The following SLC9A9 variants were observed in gnomAD, a reference collection of about 807,000 sequenced individuals.
SLC9A9 encodes the protein sodium/hydrogen exchanger 9.
A neutral mutation model predicts 77.8 loss-of-function variants in SLC9A9; 62 were observed. That is an observed-to-expected ratio of 0.80 (90% confidence interval 0.65 to 0.98). SLC9A9 has a LOEUF of 0.98. Ranked by LOEUF, SLC9A9 falls within the 50% of genes least tolerant of loss-of-function variation. The pLI, the probability that SLC9A9 is intolerant of heterozygous loss-of-function variation, is 0.00. For missense variants in SLC9A9, 775 were observed against 774.9 expected (o/e 1.00, Z 0.00); for synonymous variants, 320 against 283.5 (o/e 1.13, Z -1.29).
At chr3:143,747,828 C>G (rs1181648052) in intron 4 of SLC9A9, among the ~76,000 whole-genome samples, 1 of 152,148 alleles carries the variant, frequency 6.6e-6, no homozygotes, top group Non-Finnish European at 1.5e-5. Flanking sequence ...GTTACAGCAG[C>G]TATAAGAAAT....
chr3:143,659,412 C>T (rs958680085), intron 5 of SLC9A9, among the ~76,000 whole-genome samples: 4 of 152,158 alleles, frequency 2.6e-5, no homozygotes, highest in Admixed American at 2.6e-4. Flanking sequence ...GCTTCCCAAA[C>T]AAATGTTTCT....
At chr3:143,788,239 A>G (rs747238314) in intron 4 of SLC9A9, among the ~76,000 whole-genome samples, 7 of 152,224 alleles carry the variant, frequency 4.6e-5, no homozygotes, top group Non-Finnish European at 7.3e-5. Context: ...AAATGAATTC[A>G]CTGTAAAGGG....
intron 9 of SLC9A9, among the ~76,000 whole-genome samples, chr3:143,519,957 A>T (rs1458793502): frequency 1.3e-5 from 2 of 152,152 alleles, no homozygotes; most frequent in Non-Finnish European, 2.9e-5. Flanking sequence ...TGGATGTGTG[A>T]AGTTTAAGAT....
chr3:143,720,911 C>A (rs1320874118), intron 4 of SLC9A9, among the ~76,000 whole-genome samples: 3 of 151,314 alleles, frequency 2.0e-5, no homozygotes, highest in African/African-American at 7.4e-5. Context: ...AAGTATTTTC[C>A]TTAAGCCTTA....
At position 143,594,353 on chromosome 3, in the gene SLC9A9, C is replaced by T. The variant is rs549981683; in HGVS notation, c.756-15630G>A. On this transcript the variant is annotated intron_variant, in intron 6 of 15. Transcript: ENST00000316549. ...TCTACATTGCAATGTTAATAGCTGC[C>T]GTTTATTGAGGGCCTCTTGCAAGCC... Among the ~76,000 whole-genome samples, 4 of 152,144 alleles carry T rather than the reference C, an allele frequency of 2.6e-5. No homozygotes were observed. In the South Asian group the frequency reaches 8.3e-4, roughly 32 times the overall value.
intron 6 of SLC9A9, among the ~76,000 whole-genome samples, chr3:143,642,000 C>A (rs1160232776): frequency 6.6e-6 from 1 of 152,182 alleles, no homozygotes; most frequent in African/African-American, 2.4e-5. Context: ...CTCAATTCTC[C>A]TTGTTTCTCC....
chr3:143,666,538 T>A (rs1025687119), intron 5 of SLC9A9, among the ~76,000 whole-genome samples: 1 of 152,152 alleles, frequency 6.6e-6, no homozygotes, highest in Non-Finnish European at 1.5e-5. Context: ...AAAGAGGAAA[T>A]CAAATTGTCC....
At chr3:143,706,994 G>A (rs1402938444) in intron 4 of SLC9A9, among the ~76,000 whole-genome samples, 1 of 152,122 alleles carries the variant, frequency 6.6e-6, no homozygotes, top group African/African-American at 2.4e-5. Context: ...TAGTGAATGG[G>A]GTGGGGGCAG....
At chr3:143,755,644 A>T (rs1200333602) in intron 4 of SLC9A9, among the ~76,000 whole-genome samples, 1 of 152,200 alleles carries the variant, frequency 6.6e-6, no homozygotes, top group Non-Finnish European at 1.5e-5. Context: ...GAAAGATAGA[A>T]ATATGGCAGG....
At chr3:143,778,008 C>T (rs1482494357) in intron 4 of SLC9A9, among the ~76,000 whole-genome samples, 17 of 114,652 alleles carry the variant, frequency 1.5e-4, no homozygotes, top group African/African-American at 3.7e-4. Flanking sequence ...CCACCACGCC[C>T]GGCCCGTCAC....
intron 2 of SLC9A9, among the ~76,000 whole-genome samples, chr3:143,819,340 G>T (rs2009109557): frequency 6.6e-6 from 1 of 152,196 alleles, no homozygotes. Flanking sequence ...ACTGGAGGTA[G>T]GTAGTGCCTA....
At chr3:143,522,648 G>C (rs1354944663) in intron 9 of SLC9A9, among the ~76,000 whole-genome samples, 3 of 152,100 alleles carry the variant, frequency 2.0e-5, no homozygotes, top group Non-Finnish European at 4.4e-5. Context: ...AAATAAACCA[G>C]CTTCCAAGAT....
chr3:143,767,547 C>G (rs1576712744), intron 4 of SLC9A9, among the ~76,000 whole-genome samples: 1 of 152,040 alleles, frequency 6.6e-6, no homozygotes. Context: ...TTCTTATATA[C>G]CTGTAGCATC....
intron 12 of SLC9A9, among the ~76,000 whole-genome samples, chr3:143,441,759 C>T (rs543706841): frequency 6.6e-5 from 10 of 152,236 alleles, no homozygotes; most frequent in East Asian, 1.9e-4. Context: ...TCCCCATCTC[C>T]GCCCTGTACT....
chr3:143,799,521 G>A (rs1560085402), intron 2 of SLC9A9, among the ~76,000 whole-genome samples: 1 of 152,118 alleles, frequency 6.6e-6, no homozygotes, highest in Non-Finnish European at 1.5e-5. Flanking sequence ...CAGCTGCCAG[G>A]GGTTCTTCCA....
rs76391688 is a variant in SLC9A9, at chr3:143,362,991, T to G, written c.1604+493A>C. Among the ~76,000 whole-genome samples, 10 of 152,364 alleles carry G rather than the reference T, an allele frequency of 6.6e-5. No individual in the cohort carries two copies. In the East Asian group the frequency reaches 1.9e-3, roughly 29 times the overall value. On this transcript the variant is annotated intron_variant, in intron 14 of 15. Transcript: ENST00000316549. ...ACTCTGATGAACTGGACTCATCTCC[T>G]TGGCCCATTTATTTTTGTTCCCTGT...
intron 14 of SLC9A9, among the ~76,000 whole-genome samples, chr3:143,342,856 G>A (rs1000041216): frequency 7.9e-5 from 12 of 152,284 alleles, no homozygotes; most frequent in East Asian, 1.9e-4. Context: ...ATATACACGC[G>A]CCACGCTTTT....
chr3:143,819,815 G>A (rs2009120813), intron 2 of SLC9A9, among the ~76,000 whole-genome samples: 1 of 152,132 alleles, frequency 6.6e-6, no homozygotes, highest in African/African-American at 2.4e-5. Flanking sequence ...CATACACAGT[G>A]TCTCATTTAT....
intron 14 of SLC9A9, among the ~76,000 whole-genome samples, chr3:143,294,065 C>A (rs1373424712): frequency 1.3e-5 from 2 of 152,102 alleles, no homozygotes; most frequent in African/African-American, 4.8e-5. Flanking sequence ...GAGAATAATT[C>A]TTTTTCTTAT....
Sources: allele counts gnomAD v4.1 joint callset (sites outside exome capture counted in the v4.1 genomes callset), GRCh38; gene constraint gnomAD v4.1.1; transcripts MANE v1.5; gene names NCBI Gene and HGNC (gene_info 2026-07-23, HGNC 2026-07-21).